Variants in ZNF236 observed in about 807,000 individuals in gnomAD.
The protein encoded by ZNF236 is regulated by glucose.
A neutral mutation model predicts 191.2 loss-of-function variants in ZNF236; 50 were observed. The observed-to-expected ratio is 0.26, with a 90% CI of 0.21 to 0.33. ZNF236 has a LOEUF of 0.33. Ranked by LOEUF, ZNF236 falls within the 10% of genes least tolerant of loss-of-function variation. ZNF236 has a pLI of 1.00. For synonymous variants in ZNF236, 907 were observed against 928.8 expected, an observed-to-expected ratio of 0.98 and a Z score of 0.43; for missense variants, 1,754 against 2,374.5, an observed-to-expected ratio of 0.74 and a Z score of 5.43.
At chr18:76,858,024 A>G (rs1464848843) in intron 3 of ZNF236, among the ~76,000 whole-genome samples, 1 of 151,692 alleles carries the variant, frequency 6.6e-6, no homozygotes, top group East Asian at 1.9e-4. Flanking sequence ...TTTTGGCCAT[A>G]TGTTGTGTTA....
intron 16 of ZNF236, 92 bp downstream of exon 16, chr18:76,910,903 A>AT: frequency 4.9e-6 from 7 of 1,429,120 alleles, no homozygotes; most frequent in South Asian, 1.3e-5. Flanking sequence ...CTTAAGGGAA[A>AT]TTTTAAGAGG....
At chr18:76,907,941 G>T (rs1195822733) in intron 13 of ZNF236, among the ~76,000 whole-genome samples, 1 of 152,128 alleles carries the variant, frequency 6.6e-6, no homozygotes, top group Admixed American at 6.5e-5. Context: ...GTCTATAAAG[G>T]TGTCGTCTCA....
rs1365123724 is a variant in ZNF236 at position 76,919,145 on chromosome 18, C to T, written c.3275-631C>T. ...AAATGAATATCTATATTTATGAATACCGGTAGCTTGTGTGGACACTGTCAG... is the reference window on the plus strand; with the variant it reads ...AAATGAATATCTATATTTATGAATATCGGTAGCTTGTGTGGACACTGTCAG... On this transcript the variant is annotated intron_variant, in intron 19 of 30. Coordinates refer to ENST00000320610, the MANE Select transcript of ZNF236 (RefSeq NM_001306089.2). This position sits in a 1 kb window ranked among gnomAD's most constrained non-coding sequence, Gnocchi z 5.3. 6.6e-6 allele frequency among the ~76,000 whole-genome samples: 1 copy of T among 152,050 alleles called. No homozygotes were observed. Among genetic ancestry groups the T allele is most frequent in the African/African-American group, 2.4e-5 (1 of 41,392 alleles).
At chr18:76,921,536 G>T (rs1353982313) in intron 20 of ZNF236, among the ~76,000 whole-genome samples, 4 of 152,152 alleles carry the variant, frequency 2.6e-5, no homozygotes, top group African/African-American at 9.7e-5. Flanking sequence ...TAGTTTTCCA[G>T]TAGGGGTTAG....
chr18:76,916,102 C>T (rs563649650), intron 19 of ZNF236, among the ~76,000 whole-genome samples: 1 of 152,222 alleles, frequency 6.6e-6, no homozygotes, highest in Non-Finnish European at 1.5e-5. Context: ...TTGGCATTCA[C>T]TCTCACACTG....
intron 26 of ZNF236, among the ~76,000 whole-genome samples, chr18:76,937,762 A>T (rs1355546382): frequency 2.0e-5 from 3 of 152,186 alleles, no homozygotes; most frequent in African/African-American, 7.2e-5. Flanking sequence ...GGAATTTTTC[A>T]TGCCCTTAGT....
chr18:76,905,084 G>C, intron 12 of ZNF236, 71 bp from the exon 13 acceptor site: 1 of 1,412,048 alleles, frequency 7.1e-7, no homozygotes, highest in South Asian at 1.4e-5. Context: ...AAATGCAAGA[G>C]TGCATTCTAG....
At chr18:76,921,785 A>C (rs943217795) in intron 20 of ZNF236, among the ~76,000 whole-genome samples, 11 of 114,200 alleles carry the variant, frequency 9.6e-5, no homozygotes, top group Admixed American at 4.2e-4. Context: ...TCTGTCGCCC[A>C]GGCTGGAGTG....
At chr18:76,935,910 C>T in intron 25 of ZNF236, 1 of 454,024 alleles carries the variant, frequency 2.2e-6, no homozygotes, top group Non-Finnish European at 4.4e-6. Flanking sequence ...ACCTAGCTAT[C>T]TGTGGAGCCC....
intron 25 of ZNF236, among the ~76,000 whole-genome samples, chr18:76,934,464 TTTTG>T (rs1382434091): frequency 6.6e-6 from 1 of 152,244 alleles, no homozygotes; most frequent in African/African-American, 2.4e-5. Context: ...AGTATTATCT[TTTTG>T]TTCTTACCTT....
intron 9 of ZNF236, chr18:76,885,658 G>A (rs193191852): frequency 1.5e-4 from 26 of 177,184 alleles, no homozygotes; most frequent in Admixed American, 9.5e-4. Context: ...AACATCTGTC[G>A]TAAAATGGGG....
Position 76,881,487 on chromosome 18 carries a change from A to C in ZNF236, c.1392A>C (p.Ile464=). The change falls in exon 9 of 31, where the codon ATA becomes ATC. Residue 464 remains isoleucine (I), a synonymous_variant. Coordinates refer to ENST00000320610, the MANE Select transcript of ZNF236 (RefSeq NM_001306089.2). ...EKLDKKEKKM[I]KKKSPFLPGS... ...TGGATAAAAAAGAAAAAAAAATGAT[A>C]AAGAAGAAGTCACCGTTTCTACCTG... 6.2e-7 allele frequency: 1 copy of C among 1,612,448 alleles called. No homozygotes were observed. The highest frequency in any genetic ancestry group is 1.3e-5 in the African/African-American group (1 of 74,778).
Position 76,881,459 on chromosome 18 carries a change from A to C in ZNF236, c.1364A>C (p.Lys455Thr). The change falls in exon 9 of 31, where the codon AAA becomes ACA. Residue 455 changes from lysine to threonine, a missense_variant. Around this residue, in one of 5 missense-constraint regions of ZNF236, gnomAD observed 126 missense variants for 110.9 expected, o/e 1.14. Coordinates refer to ENST00000320610, the MANE Select transcript of ZNF236 (RefSeq NM_001306089.2). ...GAAAAAGAACAGGAAAGCCCGGAGA[A>C]ACTGGATAAAAAAGAAAAAAAAATG... ...EQEKEQESPE[K>T]LDKKEKKMIK... 1 of 1,613,902 alleles carries C rather than the reference A, an allele frequency of 6.2e-7. No homozygotes were observed. The highest frequency in any genetic ancestry group is 8.5e-7 in the Non-Finnish European group (1 of 1,179,988).
At chr18:76,873,344 G>A (rs965798128) in intron 5 of ZNF236, among the ~76,000 whole-genome samples, 11 of 152,162 alleles carry the variant, frequency 7.2e-5, no homozygotes, top group Non-Finnish European at 1.3e-4. Flanking sequence ...AGACACATGC[G>A]TGTAGAATCA....
chr18:76,910,796 T>G lies in ZNF236; in HGVS notation c.2790T>G (p.Ser930=), dbSNP rs1433696235. 4.3e-6 allele frequency: 7 copies of G among 1,614,040 alleles called. No homozygotes were observed. In the Admixed American group the frequency reaches 8.3e-5, roughly 19 times the overall value. ...AGAGCTTGCTGCAGGCTCCCAGCTC[T>G]GATGGGATGAATGTAGTGAGTATGG... ...HQQSLLQAPS[S]DGMNVTTRLI... is the part of the protein sequence containing the mutation. The change falls in exon 16 of 31, where the codon TCT becomes TCG. Residue 930 remains serine (S), a synonymous_variant. Transcript: ENST00000320610.
chr18:76,833,705 A>T (rs1254089354), intron 1 of ZNF236, among the ~76,000 whole-genome samples: 2 of 152,142 alleles, frequency 1.3e-5, no homozygotes, highest in Non-Finnish European at 2.9e-5. Context: ...GCTTCATAAA[A>T]TAGGTTGGGA....
At chr18:76,894,717 T>C (rs906953776) in intron 9 of ZNF236, among the ~76,000 whole-genome samples, 1 of 152,204 alleles carries the variant, frequency 6.6e-6, no homozygotes, top group Non-Finnish European at 1.5e-5. Context: ...TTCGATCCCA[T>C]CTGCTTTTGT....
Position 76,875,557 on chromosome 18 carries a change from C to A in ZNF236, c.733C>A (p.His245Asn). The A allele has an allele frequency of 6.2e-7, 1 of 1,601,028 alleles. No homozygotes were observed. The highest frequency in any genetic ancestry group is 8.5e-7 in the Non-Finnish European group (1 of 1,172,836). ...AFNQKGALQT[H>N]MIKHTGEKPH... ...TAACCAGAAGGGGGCACTGCAGACC[C>A]ACATGATCAAGCACACAGGTGAAAA... Residue 245 changes from histidine to asparagine, a missense_variant, in exon 6 of 31, where the codon CAC becomes AAC. His to Asn is a moderately conservative substitution (Grantham distance 68, BLOSUM62 1). This residue lies in a region of ZNF236 where 336 missense variants were observed against 495.1 expected (regional missense o/e 0.68). Coordinates refer to ENST00000320610, the MANE Select transcript of ZNF236 (RefSeq NM_001306089.2). The surrounding 1 kb of genome is among the most constrained non-coding windows in gnomAD (Gnocchi z 4.3).
At chr18:76,867,531 T>C (rs992471348) in intron 3 of ZNF236, among the ~76,000 whole-genome samples, 5 of 152,204 alleles carry the variant, frequency 3.3e-5, no homozygotes, top group African/African-American at 1.2e-4. Context: ...AAAAGTCTGA[T>C]AGGAAAAAAT....
Sources: allele counts gnomAD v4.1 joint callset (sites outside exome capture counted in the v4.1 genomes callset), GRCh38; gene constraint gnomAD v4.1.1; regional missense constraint gnomAD v4.1.1; non-coding constraint Gnocchi (gnomAD v3.1); transcripts MANE v1.5; gene names NCBI Gene and HGNC (gene_info 2026-07-23, HGNC 2026-07-21).